CEMIP: variants seen among roughly 807,000 people sequenced by gnomAD.
The protein encoded by CEMIP is cell migration-inducing and hyaluronan-binding protein.
CEMIP carries 105 observed loss-of-function variants against 156.9 expected under a neutral mutation model. The observed-to-expected ratio is 0.67, with a 90% CI of 0.57 to 0.79. The LOEUF (loss-of-function observed/expected upper bound fraction) is 0.79, where lower values mean the gene tolerates loss of function less well. Among genes scored for constraint, CEMIP ranks in the 30% least tolerant of loss-of-function variants. CEMIP has a pLI of 0.00. For synonymous variants in CEMIP, 676 were observed against 668.4 expected (o/e 1.01, Z -0.17); for missense variants, 1,457 against 1,769.4 (o/e 0.82, Z 3.17).
At chr15:80,941,710 T>A in intron 25 of CEMIP, 139 bp from the exon 26 acceptor site, 1 of 736,450 alleles carries the variant, frequency 1.4e-6, no homozygotes, top group Non-Finnish European at 2.4e-6. Flanking sequence ...TGCAACTCGG[T>A]GGTAGACATG....
intron 14 of CEMIP, among the ~76,000 whole-genome samples, chr15:80,917,957 G>A (rs1900332053): frequency 6.6e-6 from 1 of 152,216 alleles, no homozygotes; most frequent in Admixed American, 6.5e-5. Context: ...CTGCCTGGGA[G>A]TTGGGGAGTA....
At chr15:80,831,164 G>A (rs1042115104) in intron 1 of CEMIP, among the ~76,000 whole-genome samples, 12 of 152,160 alleles carry the variant, frequency 7.9e-5, no homozygotes, top group African/African-American at 2.7e-4. Flanking sequence ...ATAGGACTCC[G>A]CGTGTTTGAG....
chr15:80,902,245 C>T (rs1899595011), intron 12 of CEMIP, among the ~76,000 whole-genome samples: 1 of 152,254 alleles, frequency 6.6e-6, no homozygotes. Flanking sequence ...GTGACATCTG[C>T]AGCCCTGTGT....
chr15:80,805,267 G>A (rs1896486435), intron 1 of CEMIP, among the ~76,000 whole-genome samples: 3 of 152,174 alleles, frequency 2.0e-5, no homozygotes, highest in African/African-American at 4.8e-5. Context: ...AGTCAGGTCC[G>A]AAGCAAAAGG....
chr15:80,781,986 T>C (rs1373434809), intron 1 of CEMIP, among the ~76,000 whole-genome samples: 1 of 151,994 alleles, frequency 6.6e-6, no homozygotes, highest in Non-Finnish European at 1.5e-5. Flanking sequence ...CGAGAACTTG[T>C]TGATGGAATT....
chr15:80,925,577 G>A (rs574208098), intron 18 of CEMIP, 47 bp from the exon 19 acceptor site: 65 of 1,604,920 alleles, frequency 4.1e-5, no homozygotes, highest in African/African-American at 2.3e-4. Context: ...CAGCAGAGGC[G>A]TGCCCCCAAC....
At chr15:80,787,684 C>G (rs781668655) in intron 1 of CEMIP, among the ~76,000 whole-genome samples, 4 of 152,220 alleles carry the variant, frequency 2.6e-5, no homozygotes, top group Non-Finnish European at 5.9e-5. Context: ...GCGCTGATCT[C>G]TTAGCACTGG....
In CEMIP at chr15:80,929,020, G is replaced by C. The variant is rs748286788; in HGVS notation, c.2458G>C (p.Gly820Arg). The C allele has an allele frequency of 2.5e-6, 4 of 1,614,162 alleles. No homozygotes were observed. The East Asian group carries it at 8.9e-5, about 36-fold the overall frequency. The change falls in exon 21 of 30, where the codon GGT becomes CGT. Residue 820 changes from glycine (G) to arginine (R), a missense_variant and splice_region_variant. Around this residue, in one of 5 missense-constraint regions of CEMIP, gnomAD observed 798 missense variants for 980.1 expected, o/e 0.81. Coordinates refer to ENST00000394685, the MANE Select transcript of CEMIP (RefSeq NM_001293298.2). ...ACCTTAAACATCTTCTCTCTACAGTGGTGGAACCTTCCCGTATGACGACGG... is the reference window on the plus strand; with the variant it reads ...ACCTTAAACATCTTCTCTCTACAGTCGTGGAACCTTCCCGTATGACGACGG... ...DNGIGLTLAS[G>R]GTFPYDDGSK...
chr15:80,894,660 A>C (rs1326454655), intron 10 of CEMIP, among the ~76,000 whole-genome samples: 1 of 152,202 alleles, frequency 6.6e-6, no homozygotes, highest in Admixed American at 6.5e-5. Context: ...AATTGTAAAA[A>C]GTGGCCAGCC....
At chr15:80,898,217 G>T (rs74028103) in intron 12 of CEMIP, among the ~76,000 whole-genome samples, 1,642 of 152,292 alleles carry the variant, frequency 0.011, 25 homozygotes, top group African/African-American at 0.037. Context: ...CTGGAATTTG[G>T]GTTCCAGGAA....
chr15:80,846,559 G>A lies in CEMIP; in HGVS notation c.-175-26979G>A, dbSNP rs567821277. Among the ~76,000 whole-genome samples, 7 of 152,294 alleles carry A rather than the reference G, an allele frequency of 4.6e-5. No homozygotes were observed. In the East Asian group the frequency reaches 5.8e-4, roughly 13 times the overall value. On this transcript the variant is annotated intron_variant, in intron 1 of 29. Transcript: ENST00000394685. Reference sequence around the variant, plus strand: ...ATGTGTGCAAGCTCATCTTCTCACCGGGGTGGTACTGATACTGCCCAGGAA... The same window carrying A: ...ATGTGTGCAAGCTCATCTTCTCACCAGGGTGGTACTGATACTGCCCAGGAA...
intron 3 of CEMIP, 61 bp downstream of exon 3, chr15:80,874,034 G>T: frequency 6.8e-7 from 1 of 1,463,236 alleles, no homozygotes. Context: ...CCCCTCACTG[G>T]AGCAAGGCTG....
intron 10 of CEMIP, among the ~76,000 whole-genome samples, chr15:80,892,099 G>A (rs945710770): frequency 4.6e-5 from 7 of 151,934 alleles, no homozygotes; most frequent in African/African-American, 1.7e-4. Context: ...TCACCTCCCC[G>A]GGCCCTGAGC....
chr15:80,795,444 C>A (rs529288627), intron 1 of CEMIP, among the ~76,000 whole-genome samples: 2 of 151,866 alleles, frequency 1.3e-5, no homozygotes, highest in African/African-American at 2.4e-5. Flanking sequence ...TTAGGAGATG[C>A]AATGGACAGA....
intron 10 of CEMIP, among the ~76,000 whole-genome samples, chr15:80,890,541 C>T (rs1899002358): frequency 2.0e-5 from 3 of 150,488 alleles, no homozygotes; most frequent in Admixed American, 6.6e-5. Flanking sequence ...GAGCTGAGAT[C>T]GCACCACTGT....
intron 3 of CEMIP, among the ~76,000 whole-genome samples, chr15:80,877,462 G>A (rs1898513858): frequency 6.6e-6 from 1 of 152,124 alleles, no homozygotes; most frequent in Non-Finnish European, 1.5e-5. Context: ...CCCAACCCGG[G>A]TTAATTTGAA....
intron 1 of CEMIP, among the ~76,000 whole-genome samples, chr15:80,804,376 A>G (rs1246053564): frequency 6.6e-6 from 1 of 152,206 alleles, no homozygotes; most frequent in Non-Finnish European, 1.5e-5. Flanking sequence ...TGTCTCCTTT[A>G]TTTTGAAGAC....
intron 1 of CEMIP, among the ~76,000 whole-genome samples, chr15:80,805,756 C>A (rs1340661784): frequency 6.6e-6 from 1 of 152,158 alleles, no homozygotes; most frequent in Non-Finnish European, 1.5e-5. Flanking sequence ...AAATTGCTTA[C>A]ATAAACTTGA....
chr15:80,822,928 G>C (rs1379717120), intron 1 of CEMIP, among the ~76,000 whole-genome samples: 1 of 152,180 alleles, frequency 6.6e-6, no homozygotes, highest in African/African-American at 2.4e-5. Context: ...TTGAGAAACA[G>C]TCAAACGAAG....
Sources: gnomAD v4.1 joint callset for allele counts (sites outside exome capture counted in the v4.1 genomes callset) on GRCh38, gnomAD v4.1.1 for gene constraint, gnomAD v4.1.1 regional missense constraint, MANE v1.5 for transcripts, NCBI Gene and HGNC (gene_info 2026-07-23, HGNC 2026-07-21) for gene names.